The following GFPT2 variants were observed in gnomAD, a reference collection of about 807,000 sequenced individuals.
GFPT2 encodes the protein glutamine--fructose-6-phosphate aminotransferase [isomerizing] 2.
Under a neutral mutation model 85.6 loss-of-function variants are expected in GFPT2, and 62 were observed. That is an observed-to-expected ratio of 0.72 (90% CI 0.59 to 0.90). GFPT2 has a LOEUF of 0.90. Ranked by LOEUF, GFPT2 falls within the 40% of genes least tolerant of loss-of-function variation. The pLI, the probability that GFPT2 is intolerant of heterozygous loss-of-function variation, is 0.00. For missense variants in GFPT2, 788 were observed against 893.4 expected, an observed-to-expected ratio of 0.88 and a Z score of 1.50; for synonymous variants, 368 against 344.5, an observed-to-expected ratio of 1.07 and a Z score of -0.75.
At position 180,325,111 on chromosome 5, in the gene GFPT2, G is replaced by A. The variant is rs368324908; in HGVS notation, c.597-216C>T. On this transcript the variant is annotated intron_variant, in intron 7 of 18. Transcript: ENST00000253778. ...TTGGCATCACCCACCTGCCCAGAAA[G>A]CTTGGTAACCTGTCTCACTCCCACC... Among the ~76,000 whole-genome samples the A allele has an allele frequency of 6.6e-5, 10 of 152,252 alleles. No individual in the cohort carries two copies. The South Asian group carries it at 1.9e-3, about 28-fold the overall frequency.
At chr5:180,335,696 C>T in intron 4 of GFPT2, 132 bp downstream of exon 4, 1 of 948,560 alleles carries the variant, frequency 1.1e-6, no homozygotes, top group Non-Finnish European at 1.6e-6. Flanking sequence ...GGGACATCCG[C>T]ATTCTCTTGG....
At chr5:180,347,086 C>T (rs531374830) in intron 1 of GFPT2, among the ~76,000 whole-genome samples, 2 of 152,290 alleles carry the variant, frequency 1.3e-5, no homozygotes, top group Non-Finnish European at 2.9e-5. Flanking sequence ...GGATGCTGAG[C>T]GCCCAGAGGG....
chr5:180,319,318 C>T lies in GFPT2; in HGVS notation c.795-362G>A, dbSNP rs554149147. On this transcript the variant is annotated intron_variant, in intron 9 of 18. Transcript: ENST00000253778. Reference sequence around the variant, plus strand: ...TGTTTACATATCTCCAATAATCTCACGGCTGTCTTTTTATAACCGGTTTCT... The same window carrying T: ...TGTTTACATATCTCCAATAATCTCATGGCTGTCTTTTTATAACCGGTTTCT... 9.2e-5 allele frequency among the ~76,000 whole-genome samples: 14 copies of T among 152,286 alleles called. No homozygotes were observed. The South Asian group carries it at 1.2e-3, about 14-fold the overall frequency.
At chr5:180,342,980 G>A (rs1007236737) in intron 1 of GFPT2, among the ~76,000 whole-genome samples, 1 of 152,096 alleles carries the variant, frequency 6.6e-6, no homozygotes, top group Non-Finnish European at 1.5e-5. Flanking sequence ...TGGTCAAATT[G>A]TGGTCAATGT....
chr5:180,320,153 C>T (rs1405864713), intron 9 of GFPT2, among the ~76,000 whole-genome samples: 1 of 151,966 alleles, frequency 6.6e-6, no homozygotes, highest in South Asian at 2.1e-4. Flanking sequence ...ACACCATGCC[C>T]GGCTACTTTT....
chr5:180,313,935 G>A lies in GFPT2; in HGVS notation c.1303C>T (p.Arg435Cys), dbSNP rs757867551. Residue 435 changes from arginine to cysteine, a missense_variant, in exon 14 of 19, where the codon CGC becomes TGC. By Grantham distance (180) the Arg-to-Cys change is radical. Transcript: ENST00000253778. ...AGAGCGCCGCGGTCCTTACAGTAGCGCAGCGCCAGGAGGGTGTCCGCGGTC... is the reference window on the plus strand; with the variant it reads ...AGAGCGCCGCGGTCCTTACAGTAGCACAGCGCCAGGAGGGTGTCCGCGGTC... ...GETADTLLALRYCKDRGALTV... is the reference protein window; with the variant it reads ...GETADTLLALCYCKDRGALTV... The A allele has an allele frequency of 1.2e-6, 2 of 1,603,014 alleles. No individual in the cohort carries two copies. The highest frequency in any genetic ancestry group is 1.7e-6 in the Non-Finnish European group (2 of 1,179,084).
intron 14 of GFPT2, 36 bp from the exon 15 acceptor site, chr5:180,312,580 T>C (rs1351965732): frequency 1.8e-6 from 2 of 1,109,324 alleles, no homozygotes; most frequent in African/African-American, 1.5e-5. Flanking sequence ...GGACCTTATT[T>C]TCACTTTTTA....
chr5:180,305,893 C>T (rs1227733855), intron 16 of GFPT2, among the ~76,000 whole-genome samples: 3 of 152,048 alleles, frequency 2.0e-5, no homozygotes, highest in Non-Finnish European at 4.4e-5. Flanking sequence ...GACAGCCCTG[C>T]ACTCCCCACC....
Position 180,341,066 on chromosome 5 carries a change from A to G in GFPT2, c.8-2466T>C, listed in dbSNP as rs554080239. ...TCAAAACAGCCTCTGAGGCTAGTCC[A>G]TGGCCCTCCTCTTAACTTCTGGACC... On this transcript the variant is annotated intron_variant, in intron 1 of 18. Coordinates refer to ENST00000253778, the MANE Select transcript of GFPT2 (RefSeq NM_005110.4). 1.5e-4 allele frequency among the ~76,000 whole-genome samples: 23 copies of G among 152,262 alleles called. No individual in the cohort carries two copies. The East Asian group carries it at 4.4e-3, about 29-fold the overall frequency.
intron 14 of GFPT2, among the ~76,000 whole-genome samples, chr5:180,312,912 G>C (rs1163962324): frequency 2.6e-5 from 4 of 152,166 alleles, no homozygotes; most frequent in Non-Finnish European, 5.9e-5. Context: ...GAGTAGCTGG[G>C]ATTACAGGCA....
rs1561877899 is a variant in GFPT2, at chr5:180,323,658, T to TA, written c.794+529_794+530insT. On this transcript the variant is annotated intron_variant, in intron 9 of 18. Coordinates refer to ENST00000253778, the MANE Select transcript of GFPT2 (RefSeq NM_005110.4). This position sits in a 1 kb window ranked among gnomAD's most constrained non-coding sequence, Gnocchi z 4.0. ...CAGTGGATTGATGAGAGCATGGACT[T>TA]TAGAATCAATTGAAAAACTCCCTGT... Among the ~76,000 whole-genome samples, 1 of 152,062 alleles carries TA rather than the reference T, an allele frequency of 6.6e-6. No homozygotes were observed. Among genetic ancestry groups the TA allele is most frequent in the Non-Finnish European group, 1.5e-5 (1 of 67,998 alleles).
chr5:180,331,406 T>C (rs1354326606), intron 5 of GFPT2, 89 bp downstream of exon 5: 6 of 792,634 alleles, frequency 7.6e-6, no homozygotes, highest in South Asian at 1.5e-5. Context: ...GTTCCCACAC[T>C]GGTTTCCGCA....
chr5:180,336,624 C>T, intron 2 of GFPT2, 47 bp from the exon 3 acceptor site: 1 of 1,278,324 alleles, frequency 7.8e-7, no homozygotes, highest in Non-Finnish European at 1.1e-6. Context: ...AGCTTTTTCT[C>T]ACACACTTGG....
chr5:180,353,271 G>A lies in GFPT2; in HGVS notation c.-54C>T. 3 of 1,235,524 alleles carry A rather than the reference G, an allele frequency of 2.4e-6. No homozygotes were observed. The highest frequency in any genetic ancestry group is 2.5e-4 in the Middle Eastern group (1 of 3,950). The allele number at this position is 1,235,524 out of a possible 1,614,324, so 76.5% of individuals were successfully genotyped here. A position where few individuals can be genotyped will look rare whatever the true frequency, so the allele number is the denominator to read the frequency against. On this transcript the variant is annotated 5_prime_UTR_variant, in exon 1 of 19. Transcript: ENST00000253778. The stretch of plus-strand genomic sequence containing the variant: ...CTCGAGGGGGTCTGCCCGTTCGGAC[G>A]CTGGGGCTCCTCCGTGGGCTCCTCC...
intron 1 of GFPT2, among the ~76,000 whole-genome samples, chr5:180,343,599 T>G (rs1764559137): frequency 6.6e-6 from 1 of 152,268 alleles, no homozygotes; most frequent in African/African-American, 2.4e-5. Context: ...CTTTTGCAGC[T>G]CATCCTCTTG....
Position 180,323,659 on chromosome 5 carries a change from T to C in GFPT2, c.794+529A>G, listed in dbSNP as rs1367735911. ...AGTGGATTGATGAGAGCATGGACTT[T>C]AGAATCAATTGAAAAACTCCCTGTG... On this transcript the variant is annotated intron_variant, in intron 9 of 18. Coordinates refer to ENST00000253778, the MANE Select transcript of GFPT2 (RefSeq NM_005110.4). This position sits in a 1 kb window ranked among gnomAD's most constrained non-coding sequence, Gnocchi z 4.0. Among the ~76,000 whole-genome samples, 1 of 152,100 alleles carries C rather than the reference T, an allele frequency of 6.6e-6. No individual in the cohort carries two copies. The highest frequency in any genetic ancestry group is 1.5e-5 in the Non-Finnish European group (1 of 68,008).
intron 14 of GFPT2, among the ~76,000 whole-genome samples, chr5:180,313,174 C>G (rs1298977439): frequency 6.6e-6 from 1 of 151,912 alleles, no homozygotes; most frequent in East Asian, 2.0e-4. Flanking sequence ...TGCTGGGATT[C>G]CAGGGGGGAG....
rs188132167 is a variant in GFPT2, at chr5:180,328,138, G to A, written c.596+139C>T. The A allele has an allele frequency of 5.5e-5, 34 of 613,358 alleles. No homozygotes were observed. Among genetic ancestry groups the A allele is most frequent in the South Asian group, 3.5e-4 (17 of 49,128 alleles). 38.0% of individuals were successfully genotyped at this position (613,358 alleles called of 1,614,324 possible). On this transcript the variant is annotated intron_variant, in intron 7 of 18. Coordinates refer to ENST00000253778, the MANE Select transcript of GFPT2 (RefSeq NM_005110.4). This position sits in a 1 kb window ranked among gnomAD's most constrained non-coding sequence, Gnocchi z 5.4. The stretch of plus-strand genomic sequence containing the variant: ...ATGGAGATGGTGGGGCGCGGTCCCC[G>A]GGGCTGAGCCACAGTTGTTCTTTAG...
chr5:180,306,485 C>T lies in GFPT2; in HGVS notation c.1674+691G>A, dbSNP rs763214262. Reference sequence around the variant, plus strand: ...CAAGTCCGAGATGCAGGACCCTGCACGGCTCTCTGCCCACCCTCTGGGCAG... The same window carrying T: ...CAAGTCCGAGATGCAGGACCCTGCATGGCTCTCTGCCCACCCTCTGGGCAG... On this transcript the variant is annotated intron_variant, in intron 16 of 18. Transcript: ENST00000253778. 5.2e-5 allele frequency among the ~76,000 whole-genome samples: 8 copies of T among 152,382 alleles called. No individual in the cohort carries two copies. The South Asian group carries it at 8.3e-4, about 16-fold the overall frequency.
Sources: gnomAD v4.1 joint callset for allele counts (sites outside exome capture counted in the v4.1 genomes callset) on GRCh38, gnomAD v4.1.1 for gene constraint, Gnocchi (gnomAD v3.1) non-coding constraint, MANE v1.5 for transcripts, NCBI Gene and HGNC (gene_info 2026-07-23, HGNC 2026-07-21) for gene names.